The following HECW2 variants were observed in gnomAD, a reference collection of about 807,000 sequenced individuals.
HECW2 encodes HECT, C2 and WW domain containing E3 ubiquitin protein ligase 2.
Under a neutral mutation model 175.2 loss-of-function variants are expected in HECW2, and 61 were observed. The observed-to-expected ratio is 0.35, with a 90% CI of 0.28 to 0.43. The LOEUF (loss-of-function observed/expected upper bound fraction) is 0.43. Ranked by LOEUF, HECW2 falls within the 20% of genes least tolerant of loss-of-function variation. HECW2 has a pLI of 1.00. For synonymous variants in HECW2, 671 were observed against 731.0 expected, an observed-to-expected ratio of 0.92 and a Z score of 1.32; for missense variants, 1,524 against 2,000.5, an observed-to-expected ratio of 0.76 and a Z score of 4.54.
intron 2 of HECW2, among the ~76,000 whole-genome samples, chr2:196,366,646 T>C (rs1000153632): frequency 1.3e-5 from 2 of 152,210 alleles, no homozygotes; most frequent in African/African-American, 4.8e-5. Context: ...TCTTAGGATG[T>C]AGTATTTTTC....
chr2:196,543,689 T>C lies in HECW2; in HGVS notation c.-36+49819A>G, dbSNP rs141587827. Among the ~76,000 whole-genome samples, 8 of 152,306 alleles carry C rather than the reference T, an allele frequency of 5.3e-5. No individual in the cohort carries two copies. The East Asian group carries it at 1.5e-3, about 29-fold the overall frequency. On this transcript the variant is annotated intron_variant, in intron 1 of 28. Transcript: ENST00000644978. ...ATGCAGTAGCGCAATCTTGGCTCAC[T>C]GCAACTTCCGCCTGCTGGGTTCAAG... is the stretch of plus-strand genomic sequence containing the variant.
At chr2:196,445,220 G>C (rs1696149354) in intron 1 of HECW2, among the ~76,000 whole-genome samples, 1 of 152,096 alleles carries the variant, frequency 6.6e-6, no homozygotes, top group African/African-American at 2.4e-5. Flanking sequence ...TACACAAATA[G>C]TGTTTATTTT....
At chr2:196,296,953 CTA>C (rs1469546897) in intron 13 of HECW2, among the ~76,000 whole-genome samples, 4 of 152,090 alleles carry the variant, frequency 2.6e-5, no homozygotes, top group Non-Finnish European at 5.9e-5. Flanking sequence ...GGATCCTTTT[CTA>C]TGTTTGTTTG....
chr2:196,476,524 C>T (rs1027805268), intron 1 of HECW2, among the ~76,000 whole-genome samples: 1 of 151,446 alleles, frequency 6.6e-6, no homozygotes, highest in Non-Finnish European at 1.5e-5. Context: ...AGGCAAAGTG[C>T]TTAAAACAGT....
chr2:196,299,257 C>A, intron 13 of HECW2, among the ~76,000 whole-genome samples: 1 of 144,688 alleles, frequency 6.9e-6, no homozygotes. Flanking sequence ...GACTATCCAG[C>A]AAAATAAATT....
At chr2:196,343,606 T>A (rs1328265532) in intron 3 of HECW2, 51 bp downstream of exon 3, 2 of 1,163,684 alleles carry the variant, frequency 1.7e-6, no homozygotes, top group Non-Finnish European at 2.6e-6. Context: ...GAATTCTGCA[T>A]ACTTATGCAA....
rs747505963 is a variant in HECW2, at chr2:196,225,725, T to C, written c.4016+47A>G. The C allele has an allele frequency of 2.6e-6, 3 of 1,167,056 alleles. No homozygotes were observed. The South Asian group carries it at 3.7e-5, about 14-fold the overall frequency. 72.3% of individuals were successfully genotyped at this position (1,167,056 alleles called of 1,614,324 possible). On this transcript the variant is annotated intron_variant, in intron 23 of 28. Transcript: ENST00000644978. Reference sequence around the variant, plus strand: ...AGAAGAATTTTTTCAAAAAAGTAAATACTGCATTTTACATGCTAATTATGC... The same window carrying C: ...AGAAGAATTTTTTCAAAAAAGTAAACACTGCATTTTACATGCTAATTATGC...
At chr2:196,281,718 G>C (rs890429275) in intron 14 of HECW2, among the ~76,000 whole-genome samples, 2 of 150,378 alleles carry the variant, frequency 1.3e-5, no homozygotes, top group African/African-American at 2.5e-5. Flanking sequence ...AAAAATGAGG[G>C]AAGCTAAAGA....
chr2:196,384,232 C>A (rs753100952), intron 2 of HECW2, among the ~76,000 whole-genome samples: 1 of 152,014 alleles, frequency 6.6e-6, no homozygotes, highest in Admixed American at 6.6e-5. Context: ...TTTACTGGAA[C>A]CTGGGGACAA....
chr2:196,403,159 T>C (rs1694868773), intron 2 of HECW2, among the ~76,000 whole-genome samples: 1 of 152,164 alleles, frequency 6.6e-6, no homozygotes, highest in Non-Finnish European at 1.5e-5. Context: ...CAATTTTAAC[T>C]GTGCTGGGTA....
rs371877672 is a variant in HECW2, at chr2:196,583,153, T to TG, written c.-36+10354dup. On this transcript the variant is annotated intron_variant, in intron 1 of 28. Transcript: ENST00000644978. ...TATGACAACCTCTCCTAGTTTCTCA[T>TG]GCCAACAACTGCTTCTTCTTCCTGT... Among the ~76,000 whole-genome samples, 734 of 152,348 alleles carry TG rather than the reference T, an allele frequency of 4.8e-3. 6 individuals carry two copies. Among genetic ancestry groups the TG allele is most frequent in the African/African-American group, 0.016 (682 of 41,590 alleles).
chr2:196,327,063 T>A (rs1463889908), intron 5 of HECW2, among the ~76,000 whole-genome samples: 1 of 152,214 alleles, frequency 6.6e-6, no homozygotes, highest in Non-Finnish European at 1.5e-5. Flanking sequence ...TGATATTCTT[T>A]ATATATTAAA....
intron 2 of HECW2, among the ~76,000 whole-genome samples, chr2:196,423,685 TGTG>T (rs1695466023): frequency 6.7e-4 from 1 of 1,482 alleles, no homozygotes; most frequent in South Asian, 0.056. Context: ...AGTATTCCAT[TGTG>T]TGTGTGTGTG....
At chr2:196,583,201 C>A (rs1329887359) in intron 1 of HECW2, among the ~76,000 whole-genome samples, 2 of 152,160 alleles carry the variant, frequency 1.3e-5, no homozygotes, top group African/African-American at 4.8e-5. Context: ...TAAATATCAC[C>A]TACATACCTG....
At chr2:196,556,193 T>C (rs1193616557) in intron 1 of HECW2, among the ~76,000 whole-genome samples, 2 of 152,238 alleles carry the variant, frequency 1.3e-5, no homozygotes, top group Admixed American at 6.5e-5. Context: ...AAATTCTGTA[T>C]ATTTAAAGAG....
Position 196,554,306 on chromosome 2 carries a change from A to G in HECW2, c.-36+39202T>C, listed in dbSNP as rs899500501. On this transcript the variant is annotated intron_variant, in intron 1 of 28. Coordinates refer to ENST00000644978, the MANE Select transcript of HECW2 (RefSeq NM_001348768.2). ...GCGCCACAGCACTCCCGCCTGGGCGACAGAATGAGACTCCGTCTCAAAAAA... is the reference window on the plus strand; with the variant it reads ...GCGCCACAGCACTCCCGCCTGGGCGGCAGAATGAGACTCCGTCTCAAAAAA... Among the ~76,000 whole-genome samples the G allele has an allele frequency of 7.2e-5, 11 of 152,080 alleles. No individual in the cohort carries two copies. The South Asian group carries it at 8.3e-4, about 11-fold the overall frequency.
At chr2:196,278,354 G>A (rs1489758129) in intron 15 of HECW2, among the ~76,000 whole-genome samples, 174 bp downstream of exon 15, 1 of 146,926 alleles carries the variant, frequency 6.8e-6, no homozygotes, top group Admixed American at 6.9e-5. Context: ...GATTTAGGCT[G>A]TATGTATTTC....
intron 1 of HECW2, among the ~76,000 whole-genome samples, chr2:196,504,188 C>T (rs193240501): frequency 6.7e-5 from 10 of 149,974 alleles, no homozygotes; most frequent in Admixed American, 3.4e-4. Context: ...CCCAGCTACT[C>T]GGGAGGCTGA....
At chr2:196,493,375 C>G (rs1469058076) in intron 1 of HECW2, 2 of 151,930 alleles carry the variant, frequency 1.3e-5, no homozygotes, top group Non-Finnish European at 1.5e-5. Context: ...GTACTGAGAC[C>G]CTGTCAGAAC....
Sources: allele counts gnomAD v4.1 joint callset (sites outside exome capture counted in the v4.1 genomes callset), GRCh38; gene constraint gnomAD v4.1.1; transcripts MANE v1.5; gene names NCBI Gene and HGNC (gene_info 2026-07-23, HGNC 2026-07-21).